SOX5: variants seen among roughly 807,000 people sequenced by gnomAD.
SOX5 encodes the protein transcription factor SOX-5.
Under a neutral mutation model 92.0 loss-of-function variants are expected in SOX5, and 9 were observed. The ratio of observed to expected loss-of-function variants is 0.10; its 90% CI spans 0.06 to 0.17. SOX5 has a LOEUF of 0.17. SOX5 is among the 10% of genes least tolerant of loss of function. The probability of loss-of-function intolerance (pLI) is 1.00; values close to 1 mark genes in which losing one functional copy is unlikely to be tolerated. For missense variants in SOX5, 642 were observed against 944.5 expected (o/e 0.68, Z 4.20); for synonymous variants, 344 against 336.3 (o/e 1.02, Z -0.25).
chr12:24,511,775 T>A (rs369943820), intron 1 of SOX5, among the ~76,000 whole-genome samples: 4 of 151,808 alleles, frequency 2.6e-5, no homozygotes, highest in Non-Finnish European at 5.9e-5. Context: ...TGGCTAACAT[T>A]GTGAAACCCC....
intron 1 of SOX5, among the ~76,000 whole-genome samples, chr12:24,499,285 A>C (rs1947949230): frequency 6.6e-6 from 1 of 152,190 alleles, no homozygotes; most frequent in Non-Finnish European, 1.5e-5. Flanking sequence ...AGGAGATATG[A>C]AATACATATT....
At chr12:24,084,218 T>A (rs879744007) in intron 4 of SOX5, among the ~76,000 whole-genome samples, 1 of 152,082 alleles carries the variant, frequency 6.6e-6, no homozygotes, top group Non-Finnish European at 1.5e-5. Flanking sequence ...TCAGAGGCAG[T>A]GGAGAAAGAA....
At chr12:23,731,255 C>G (rs964152915) in intron 6 of SOX5, among the ~76,000 whole-genome samples, 4 of 152,176 alleles carry the variant, frequency 2.6e-5, no homozygotes, top group Non-Finnish European at 5.9e-5. Context: ...GACTGAGAAC[C>G]ATGCCGCCAG....
chr12:24,474,321 A>T (rs1945120155), intron 1 of SOX5, among the ~76,000 whole-genome samples: 1 of 152,188 alleles, frequency 6.6e-6, no homozygotes, highest in African/African-American at 2.4e-5. Flanking sequence ...CTAGTTCCCT[A>T]ACAAAAATAA....
chr12:23,955,710 C>A (rs1441744635), upstream of SOX5, among the ~76,000 whole-genome samples: 1 of 151,968 alleles, frequency 6.6e-6, no homozygotes, highest in African/African-American at 2.4e-5. Flanking sequence ...GTAACTCAAT[C>A]ACCCTCGTGG....
chr12:23,764,210 A>C (rs2094642373), intron 3 of SOX5, among the ~76,000 whole-genome samples: 1 of 152,116 alleles, frequency 6.6e-6, no homozygotes, highest in African/African-American at 2.4e-5. Flanking sequence ...TTCCAACAAA[A>C]GATTTTCATG....
intron 2 of SOX5, among the ~76,000 whole-genome samples, chr12:24,318,885 T>C (rs926186696): frequency 6.6e-6 from 1 of 152,158 alleles, no homozygotes; most frequent in South Asian, 2.1e-4. Context: ...CTAATCCAAT[T>C]CCTTCAGTGA....
chr12:24,512,836 T>A (rs1003309588), intron 1 of SOX5, among the ~76,000 whole-genome samples: 2 of 152,188 alleles, frequency 1.3e-5, no homozygotes, highest in African/African-American at 4.8e-5. Flanking sequence ...GGGACTATAA[T>A]CCATCCAGTC....
intron 1 of SOX5, among the ~76,000 whole-genome samples, chr12:24,404,907 T>A (rs1171922163): frequency 2.6e-5 from 4 of 152,088 alleles, no homozygotes; most frequent in Non-Finnish European, 5.9e-5. Flanking sequence ...TAATCCAGTA[T>A]AACTGGTGTC....
intron 3 of SOX5, among the ~76,000 whole-genome samples, chr12:23,792,856 G>C (rs2095501644): frequency 6.6e-6 from 1 of 151,960 alleles, no homozygotes; most frequent in Admixed American, 6.6e-5. Context: ...TGTCCTGGAT[G>C]AACAGAAAGA....
chr12:23,759,184 A>G (rs1053502260), intron 3 of SOX5, among the ~76,000 whole-genome samples: 1 of 152,020 alleles, frequency 6.6e-6, no homozygotes, highest in African/African-American at 2.4e-5. Flanking sequence ...CATATGTATG[A>G]GCAGCAACTG....
chr12:23,934,507 G>T (rs4963729), intron 1 of SOX5, among the ~76,000 whole-genome samples: 49,042 of 148,392 alleles, frequency 0.33, 9,002 homozygotes, highest in Non-Finnish European at 0.43. Flanking sequence ...AAATACAAAT[G>T]ATTATACAAC....
intron 1 of SOX5, among the ~76,000 whole-genome samples, chr12:23,924,822 G>GA (rs372320346): frequency 0.02 from 3,076 of 150,610 alleles, 104 homozygotes; most frequent in African/African-American, 0.07. Context: ...ATTTTTAACT[G>GA]AAAAAAAAAG....
intron 1 of SOX5, among the ~76,000 whole-genome samples, chr12:23,907,212 A>T (rs2097303592): frequency 6.6e-6 from 1 of 152,156 alleles, no homozygotes; most frequent in African/African-American, 2.4e-5. Flanking sequence ...GCGTGCAGAG[A>T]GAGAGAGACA....
intron 4 of SOX5, among the ~76,000 whole-genome samples, chr12:24,054,858 T>C (rs1403346498): frequency 1.3e-5 from 2 of 152,100 alleles, no homozygotes; most frequent in African/African-American, 4.8e-5. Flanking sequence ...TGTTTAAAAG[T>C]ATCAGCAAAT....
At chr12:23,629,618 A>G (rs2078275268) in intron 8 of SOX5, among the ~76,000 whole-genome samples, 1 of 152,104 alleles carries the variant, frequency 6.6e-6, no homozygotes, top group African/African-American at 2.4e-5. Flanking sequence ...GGGTGCTTGA[A>G]CATACTTGGA....
chr12:24,302,029 A>C (rs1166836655), intron 2 of SOX5, among the ~76,000 whole-genome samples: 1 of 152,138 alleles, frequency 6.6e-6, no homozygotes, highest in African/African-American at 2.4e-5. Flanking sequence ...CAATATCTTT[A>C]GTGTAATAGA....
intron 6 of SOX5, among the ~76,000 whole-genome samples, chr12:23,670,050 T>C (rs7138368): frequency 0.81 from 123,032 of 152,088 alleles, 49,983 homozygotes; most frequent in East Asian, 0.92. Context: ...GGAGGAAAGG[T>C]GCCTATCGGC....
At chr12:23,569,046 T>G (rs1170724959) in intron 10 of SOX5, among the ~76,000 whole-genome samples, 1 of 151,852 alleles carries the variant, frequency 6.6e-6, no homozygotes, top group African/African-American at 2.4e-5. Flanking sequence ...AAAAAATTAG[T>G]GGAGCATGGT....
Sources: allele counts gnomAD v4.1 joint callset (sites outside exome capture counted in the v4.1 genomes callset), GRCh38; gene constraint gnomAD v4.1.1; transcripts MANE v1.5; gene names NCBI Gene and HGNC (gene_info 2026-07-23, HGNC 2026-07-21).